GIGYF2: variants seen among roughly 807,000 people sequenced by gnomAD.
GIGYF2 encodes the protein GRB10 interacting GYF protein 2.
In GIGYF2, 25 loss-of-function variants were observed where a neutral mutation model predicts 208.1. The observed-to-expected ratio is 0.12, with a 90% CI of 0.09 to 0.17. The LOEUF (loss-of-function observed/expected upper bound fraction) is 0.17, where lower values mean the gene tolerates loss of function less well. Among genes scored for constraint, GIGYF2 ranks in the 10% least tolerant of loss-of-function variants. GIGYF2 has a pLI of 1.00. For missense variants in GIGYF2, 1,302 were observed against 1,579.4 expected (o/e 0.82, Z 2.98); for synonymous variants, 534 against 543.8 (o/e 0.98, Z 0.25).
intron 22 of GIGYF2, among the ~76,000 whole-genome samples, chr2:232,834,830 T>A (rs1409982822): frequency 2.2e-5 from 2 of 89,454 alleles, no homozygotes; most frequent in Non-Finnish European, 4.7e-5. Context: ...GTACCTCTAG[T>A]GATTTTTTTT....
chr2:232,747,863 T>C, intron 4 of GIGYF2, 119 bp downstream of exon 4: 1 of 940,646 alleles, frequency 1.1e-6, no homozygotes. Flanking sequence ...CCTTTCCACC[T>C]TAACTGTTTC....
At position 232,791,068 on chromosome 2, in the gene GIGYF2, G is replaced by C; in HGVS notation, c.991G>C (p.Gly331Arg). The C allele has an allele frequency of 6.2e-7, 1 of 1,614,016 alleles. No individual in the cohort carries two copies. The highest frequency in any genetic ancestry group is 1.1e-5 in the South Asian group (1 of 91,076). Residue 331 changes from glycine to arginine, a missense_variant, in exon 11 of 29, where the codon GGG becomes CGG. Around this residue, in one of 8 missense-constraint regions of GIGYF2, gnomAD observed 235 missense variants for 218.8 expected, o/e 1.07. Transcript: ENST00000373563. Reference protein sequence around the residue: ...QEMDFRPVDEGEECSDSEGSH... With the variant: ...QEMDFRPVDEREECSDSEGSH... The stretch of plus-strand genomic sequence containing the variant: ...GATGGACTTCCGGCCTGTGGACGAA[G>C]GGGAGGAGTGCTCTGACTCTGAGGG...
In GIGYF2 at chr2:232,782,546, C is replaced by T. The variant is rs930926115; in HGVS notation, c.533-4604C>T. On this transcript the variant is annotated intron_variant, in intron 8 of 28. Transcript: ENST00000373563. ...TGATAGCAAAAAGGTAGAAAACAAC[C>T]TAAATGTTTCTAAGCAGTAGCATAA... is the stretch of plus-strand genomic sequence containing the variant. 2.0e-5 allele frequency: 3 copies of T among 152,146 alleles called. No individual in the cohort carries two copies. The East Asian group carries it at 5.8e-4, about 29-fold the overall frequency. 9.4% of individuals were successfully genotyped at this position (152,146 alleles called of 1,614,324 possible).
At chr2:232,795,855 G>T (rs1469241196) in intron 13 of GIGYF2, among the ~76,000 whole-genome samples, 1 of 152,096 alleles carries the variant, frequency 6.6e-6, no homozygotes, top group Non-Finnish European at 1.5e-5. Context: ...ACAAGACTTG[G>T]CATCTCTGAG....
chr2:232,849,229 A>G (rs780837855), intron 27 of GIGYF2, among the ~76,000 whole-genome samples: 5 of 152,038 alleles, frequency 3.3e-5, no homozygotes, highest in Non-Finnish European at 7.4e-5. Flanking sequence ...CAGTAGCGCG[A>G]TCTCAGCTCA....
intron 14 of GIGYF2, among the ~76,000 whole-genome samples, chr2:232,798,085 A>G (rs1700282418): frequency 1.3e-5 from 2 of 151,206 alleles, no homozygotes; most frequent in South Asian, 2.1e-4. Context: ...TTCTACCCCA[A>G]CTCCTTTGTT....
At chr2:232,783,427 C>G (rs1699786617) in intron 8 of GIGYF2, among the ~76,000 whole-genome samples, 1 of 150,474 alleles carries the variant, frequency 6.6e-6, no homozygotes, top group African/African-American at 2.4e-5. Flanking sequence ...GGCTCCAGTT[C>G]TTATCTACAC....
At chr2:232,727,895 T>C (rs563119442) in intron 2 of GIGYF2, among the ~76,000 whole-genome samples, 3 of 152,360 alleles carry the variant, frequency 2.0e-5, no homozygotes, top group South Asian at 4.1e-4. Flanking sequence ...ATCCTCGTTA[T>C]CTGTCTCCCC....
At chr2:232,782,633 A>G (rs1699755772) in intron 8 of GIGYF2, 2 of 152,232 alleles carry the variant, frequency 1.3e-5, no homozygotes, top group Non-Finnish European at 1.5e-5. Context: ...AAAGACCAAA[A>G]TATTCCCTGT....
At position 232,787,210 on chromosome 2, in the gene GIGYF2, G is replaced by A. The variant is rs1051835649; in HGVS notation, c.593G>A (p.Arg198His). ...TSVGRKHEFI[R>H]SESENWRIFR... ...GTAGGGAGAAAGCATGAATTTATAC[G>A]CTCAGAAAGTGAAAATTGGCGCATC... is the stretch of plus-strand genomic sequence containing the variant. Residue 198 changes from arginine to histidine, a missense_variant, in exon 9 of 29, where the codon CGC becomes CAC. Physicochemically the swap from Arg to His is conservative, Grantham distance 29 (BLOSUM62 0). Coordinates refer to ENST00000373563, the MANE Select transcript of GIGYF2 (RefSeq NM_001103146.3). 3.1e-6 allele frequency: 5 copies of A among 1,613,920 alleles called. No homozygotes were observed. Among genetic ancestry groups the A allele is most frequent in the South Asian group, 2.2e-5 (2 of 91,076 alleles).
intron 5 of GIGYF2, among the ~76,000 whole-genome samples, chr2:232,750,915 G>A (rs1455714656): frequency 6.6e-6 from 1 of 152,148 alleles, no homozygotes; most frequent in African/African-American, 2.4e-5. Flanking sequence ...CTACAACCTT[G>A]AACTTCTGGG....
chr2:232,801,759 G>A (rs1471058073), intron 14 of GIGYF2, among the ~76,000 whole-genome samples: 1 of 152,190 alleles, frequency 6.6e-6, no homozygotes, highest in African/African-American at 2.4e-5. Flanking sequence ...GCCATTTGCT[G>A]TCTTTTGAGA....
At chr2:232,728,793 G>A (rs1207655732) in intron 2 of GIGYF2, among the ~76,000 whole-genome samples, 2 of 152,092 alleles carry the variant, frequency 1.3e-5, no homozygotes, top group Non-Finnish European at 2.9e-5. Flanking sequence ...GAAATACCAG[G>A]ATAGTGCTGG....
intron 9 of GIGYF2, among the ~76,000 whole-genome samples, chr2:232,787,838 C>T (rs1222668240): frequency 6.6e-6 from 1 of 152,134 alleles, no homozygotes; most frequent in Non-Finnish European, 1.5e-5. Flanking sequence ...TTCTTATGTC[C>T]TTCTAACTTT....
chr2:232,772,973 T>G (rs1190149329), intron 8 of GIGYF2, among the ~76,000 whole-genome samples: 1 of 152,168 alleles, frequency 6.6e-6, no homozygotes, highest in Non-Finnish European at 1.5e-5. Flanking sequence ...TGAGGTAACT[T>G]AACATTTATT....
At chr2:232,822,673 G>A (rs1574925028) in intron 21 of GIGYF2, among the ~76,000 whole-genome samples, 1 of 152,176 alleles carries the variant, frequency 6.6e-6, no homozygotes, top group African/African-American at 2.4e-5. Context: ...GCAAGACTCT[G>A]TCTCGGAGGG....
At chr2:232,729,043 A>G (rs1697336023) in intron 2 of GIGYF2, among the ~76,000 whole-genome samples, 1 of 152,042 alleles carries the variant, frequency 6.6e-6, no homozygotes, top group Non-Finnish European at 1.5e-5. Flanking sequence ...CAGTGGTGTG[A>G]ACAAGGCTCA....
At chr2:232,836,087 G>A (rs974084837) in intron 22 of GIGYF2, among the ~76,000 whole-genome samples, 1 of 150,792 alleles carries the variant, frequency 6.6e-6, no homozygotes, top group Admixed American at 6.6e-5. Flanking sequence ...CGCTGCAGCT[G>A]CACATGCTGC....
chr2:232,853,747 C>T (rs1690447769), intron 28 of GIGYF2, among the ~76,000 whole-genome samples: 1 of 152,208 alleles, frequency 6.6e-6, no homozygotes. Flanking sequence ...AGAATGTCAT[C>T]TTTAGAGCCA....
Sources: gnomAD v4.1 joint callset for allele counts (sites outside exome capture counted in the v4.1 genomes callset) on GRCh38, gnomAD v4.1.1 for gene constraint, gnomAD v4.1.1 regional missense constraint, MANE v1.5 for transcripts, NCBI Gene and HGNC (gene_info 2026-07-23, HGNC 2026-07-21) for gene names.